Variants in SPATA16 observed in about 807,000 individuals in gnomAD.
SPATA16 encodes spermatogenesis-associated protein 16.
Under a neutral mutation model 63.3 loss-of-function variants are expected in SPATA16, and 36 were observed. That is an observed-to-expected ratio of 0.57 (90% confidence interval 0.44 to 0.75). The LOEUF (loss-of-function observed/expected upper bound fraction) is 0.75, where lower values mean the gene tolerates loss of function less well. Ranked by LOEUF, SPATA16 falls within the 30% of genes least tolerant of loss-of-function variation. The probability of loss-of-function intolerance (pLI) is 0.00; values close to 1 mark genes in which losing one functional copy is unlikely to be tolerated. For synonymous variants in SPATA16, 203 were observed against 216.7 expected (o/e 0.94, Z 0.56); for missense variants, 646 against 679.3 (o/e 0.95, Z 0.54).
At chr3:173,113,303 G>C (rs1293914658) in intron 2 of SPATA16, among the ~76,000 whole-genome samples, 1 of 152,104 alleles carries the variant, frequency 6.6e-6, no homozygotes, top group Non-Finnish European at 1.5e-5. Flanking sequence ...TACACCTTTT[G>C]CCCTTATTGG....
chr3:173,068,927 G>A (rs2108305603), intron 2 of SPATA16, among the ~76,000 whole-genome samples: 1 of 150,806 alleles, frequency 6.6e-6, no homozygotes. Context: ...TGGCTAACAC[G>A]GTGAAACCCC....
intron 2 of SPATA16, among the ~76,000 whole-genome samples, chr3:173,071,538 A>G (rs2108307452): frequency 6.6e-6 from 1 of 152,306 alleles, no homozygotes; most frequent in Admixed American, 6.5e-5. Context: ...AGGATGGGAG[A>G]AAATATTTGC....
intron 2 of SPATA16, among the ~76,000 whole-genome samples, 166 bp downstream of exon 2, chr3:173,116,954 A>G (rs1299642081): frequency 6.6e-6 from 1 of 152,186 alleles, no homozygotes; most frequent in Non-Finnish European, 1.5e-5. Context: ...GGCATAGCTT[A>G]TTTATTTGCT....
At chr3:173,085,477 C>G (rs1378677374) in intron 2 of SPATA16, among the ~76,000 whole-genome samples, 1 of 152,006 alleles carries the variant, frequency 6.6e-6, no homozygotes, top group East Asian at 1.9e-4. Context: ...ATTTGACTTC[C>G]TCTCTTCCTA....
intron 5 of SPATA16, 71 bp downstream of exon 5, chr3:172,976,897 G>T: frequency 8.1e-7 from 1 of 1,236,910 alleles, no homozygotes. Context: ...AGTCTTTTAA[G>T]CACCAATCTT....
At chr3:173,133,841 A>T (rs1738451970) in intron 1 of SPATA16, among the ~76,000 whole-genome samples, 1 of 152,208 alleles carries the variant, frequency 6.6e-6, no homozygotes, top group South Asian at 2.1e-4. Context: ...TGTGTAACAT[A>T]AGCCACAAAC....
intron 3 of SPATA16, among the ~76,000 whole-genome samples, chr3:173,032,334 C>T (rs1174764980): frequency 6.6e-6 from 1 of 152,014 alleles, no homozygotes; most frequent in Non-Finnish European, 1.5e-5. Flanking sequence ...TATATTGTCA[C>T]AACACTGAAA....
At chr3:173,049,994 G>C (rs1357295591) in intron 2 of SPATA16, among the ~76,000 whole-genome samples, 1 of 151,894 alleles carries the variant, frequency 6.6e-6, no homozygotes, top group African/African-American at 2.4e-5. Flanking sequence ...TGCATATACT[G>C]GGGGAAATTT....
At chr3:173,095,331 T>A (rs922763702) in intron 2 of SPATA16, among the ~76,000 whole-genome samples, 1 of 152,126 alleles carries the variant, frequency 6.6e-6, no homozygotes, top group Non-Finnish European at 1.5e-5. Context: ...CTCCAAACAT[T>A]TGAATAAAAG....
In SPATA16 at chr3:172,889,453, C is replaced by T; in HGVS notation, c.*117G>A. 6.8e-7 allele frequency: 1 copy of T among 1,469,604 alleles called. No individual in the cohort carries two copies. Among genetic ancestry groups the T allele is most frequent in the Admixed American group, 1.7e-5 (1 of 58,902 alleles). The allele number at this position is 1,469,604 out of a possible 1,614,324, so 91.0% of individuals were successfully genotyped here. On this transcript the variant is annotated 3_prime_UTR_variant, in exon 11 of 11. Transcript: ENST00000351008. ...AGATGAACTGAGGGGAATACCACCT[C>T]TTTCTTTTGGTGACAAGCTTTTGTT...
chr3:173,127,040 A>T (rs1366366877), intron 1 of SPATA16, among the ~76,000 whole-genome samples: 2 of 152,326 alleles, frequency 1.3e-5, no homozygotes, highest in Admixed American at 6.5e-5. Context: ...TGCATCTTTT[A>T]AAAAATTCAC....
At chr3:172,966,496 G>A (rs1224890521) in intron 5 of SPATA16, among the ~76,000 whole-genome samples, 2 of 152,068 alleles carry the variant, frequency 1.3e-5, no homozygotes, top group African/African-American at 2.4e-5. Context: ...ATGCTTTCTT[G>A]AATAAAAATA....
intron 3 of SPATA16, among the ~76,000 whole-genome samples, chr3:173,027,392 A>G (rs1381723054): frequency 6.6e-6 from 1 of 151,958 alleles, no homozygotes; most frequent in Non-Finnish European, 1.5e-5. Flanking sequence ...TTTCCAGCCT[A>G]TAACATTTGT....
At chr3:173,021,389 A>T (rs368659369) in intron 3 of SPATA16, among the ~76,000 whole-genome samples, 1 of 152,210 alleles carries the variant, frequency 6.6e-6, no homozygotes, top group Admixed American at 6.5e-5. Flanking sequence ...ACTGTACTCT[A>T]TGACAAGGAT....
chr3:173,005,389 G>A (rs1410159614), intron 4 of SPATA16, among the ~76,000 whole-genome samples: 1 of 151,866 alleles, frequency 6.6e-6, no homozygotes, highest in Admixed American at 6.6e-5. Context: ...AGGGAGAAGG[G>A]AGGGAAGAGA....
At chr3:173,109,905 C>A (rs1737708340) in intron 2 of SPATA16, among the ~76,000 whole-genome samples, 1 of 152,136 alleles carries the variant, frequency 6.6e-6, no homozygotes, top group Non-Finnish European at 1.5e-5. Flanking sequence ...GTGGTATTAA[C>A]ACACTTTTTT....
At chr3:173,113,460 G>A (rs1737803033) in intron 2 of SPATA16, among the ~76,000 whole-genome samples, 1 of 152,086 alleles carries the variant, frequency 6.6e-6, no homozygotes, top group Admixed American at 6.6e-5. Flanking sequence ...AAGAAAGCAT[G>A]CAAAAATAAG....
intron 10 of SPATA16, among the ~76,000 whole-genome samples, chr3:172,897,366 T>C (rs1732029213): frequency 6.6e-6 from 1 of 152,120 alleles, no homozygotes; most frequent in Non-Finnish European, 1.5e-5. Context: ...ATATAAAAAG[T>C]CTTGTATTTC....
At chr3:172,997,289 T>C (rs1017519856) in intron 4 of SPATA16, among the ~76,000 whole-genome samples, 13 of 152,106 alleles carry the variant, frequency 8.5e-5, no homozygotes, top group African/African-American at 2.9e-4. Context: ...GTCAGTGTTT[T>C]GGATTTTGAC....
Sources: gnomAD v4.1 joint callset for allele counts (sites outside exome capture counted in the v4.1 genomes callset) on GRCh38, gnomAD v4.1.1 for gene constraint, MANE v1.5 for transcripts, NCBI Gene and HGNC (gene_info 2026-07-23, HGNC 2026-07-21) for gene names.